The following EIF2D variants were observed in gnomAD, a reference collection of about 807,000 sequenced individuals.
The protein encoded by EIF2D is hepatocellular carcinoma-associated antigen 56.
In EIF2D, 56 loss-of-function variants were observed where a neutral mutation model predicts 77.4. The ratio of observed to expected loss-of-function variants is 0.72; its 90% CI spans 0.58 to 0.90. The LOEUF (loss-of-function observed/expected upper bound fraction) is 0.90. EIF2D is among the 40% of genes least tolerant of loss of function. The probability of loss-of-function intolerance (pLI) is 0.00; values close to 1 mark genes in which losing one functional copy is unlikely to be tolerated. For missense variants in EIF2D, 574 were observed against 706.5 expected (o/e 0.81, Z 2.13); for synonymous variants, 230 against 271.0 (o/e 0.85, Z 1.49).
At position 206,611,285 on chromosome 1, in the gene EIF2D, TTGAGC is replaced by T; in HGVS notation, c.141_145del (p.Leu48HisfsTer20). 6.2e-7 allele frequency: 1 copy of T among 1,614,224 alleles called. No homozygotes were observed. Among genetic ancestry groups the T allele is most frequent in the African/African-American group, 1.3e-5 (1 of 75,064 alleles). ...TTTGTGAGCATACAACTTCACAATG[TTGAGC>T]TCCTCCTTTCCAGGTACTAACTCAG... is the stretch of plus-strand genomic sequence containing the variant. On this transcript the variant is annotated frameshift_variant, in exon 2 of 15. Transcript: ENST00000271764. LOFTEE classifies it high-confidence loss of function.
chr1:206,602,122 T>TA (rs1669954963), intron 7 of EIF2D: 1 of 517,054 alleles, frequency 1.9e-6, no homozygotes, highest in East Asian at 3.2e-5. Flanking sequence ...TTTCATTGGC[T>TA]AAAATTTAAG....
intron 4 of EIF2D, 47 bp downstream of exon 4, chr1:206,608,188 CT>C (rs1377994573): frequency 1.3e-6 from 2 of 1,567,126 alleles, no homozygotes; most frequent in Non-Finnish European, 1.7e-6. Context: ...TCCAACTTCT[CT>C]TTTACACAAG....
chr1:206,584,317 GC>G lies in EIF2D; in HGVS notation c.139-3156del. ...ACAGGTGGGTGCTGCTGGGGCAATG[GC>G]CCCGAGTGGCAGATATGATCATGCA... On this transcript the variant is annotated intron_variant and NMD_transcript_variant, in intron 2 of 5. Coordinates refer to the EIF2D transcript ENST00000472709. The surrounding 1 kb of genome is among the most constrained non-coding windows in gnomAD (Gnocchi z 4.9). 6.8e-7 allele frequency: 1 copy of G among 1,473,402 alleles called. No homozygotes were observed. The highest frequency in any genetic ancestry group is 9.2e-7 in the Non-Finnish European group (1 of 1,088,472). 91.3% of individuals were successfully genotyped at this position (1,473,402 alleles called of 1,614,324 possible).
intron 1 of EIF2D, 134 bp from the exon 2 acceptor site, chr1:206,611,508 T>TCA (rs1670496733): frequency 3.1e-6 from 2 of 644,006 alleles, no homozygotes; most frequent in African/African-American, 3.7e-5. Flanking sequence ...TGTCCTAGTC[T>TCA]CACACACACT....
chr1:206,603,094 T>A lies in EIF2D; in HGVS notation c.641A>T (p.Asp214Val). Residue 214 changes from aspartate (D) to valine (V), a missense_variant, in exon 6 of 15, where the codon GAC becomes GTC. Asp to Val is a radical substitution (Grantham distance 152). Transcript: ENST00000271764. ...SVQMDSTLQG[D>V]MRHMTLEGEE... ...CCCCTCCAGGGTCATGTGCCTCATG[T>A]CTCCCTGCAGGGTGGAGTCCATCTG... 1 of 1,614,122 alleles carries A rather than the reference T, an allele frequency of 6.2e-7. No individual in the cohort carries two copies. The highest frequency in any genetic ancestry group is 1.7e-5 in the Admixed American group (1 of 60,020).
intron 2 of EIF2D, 130 bp from the exon 3 acceptor site, chr1:206,609,589 G>T: frequency 2.9e-6 from 2 of 679,280 alleles, no homozygotes; most frequent in Non-Finnish European, 4.7e-6. Flanking sequence ...TAAAGAGAAG[G>T]TTGTAAGGGG....
At chr1:206,603,268 G>A in intron 5 of EIF2D, 64 bp from the exon 6 acceptor site, 1 of 1,573,314 alleles carries the variant, frequency 6.4e-7, no homozygotes, top group Non-Finnish European at 8.6e-7. Context: ...CCTGGCCACA[G>A]AGGAGTCAGC....
At chr1:206,598,873 C>G in intron 11 of EIF2D, 130 bp downstream of exon 11, 1 of 894,862 alleles carries the variant, frequency 1.1e-6, no homozygotes. Flanking sequence ...GTTTGGAAAC[C>G]ACTGATCTTA....
chr1:206,583,281 C>A (rs1668967138), intron 2 of EIF2D: 1 of 1,610,620 alleles, frequency 6.2e-7, no homozygotes, highest in South Asian at 1.1e-5. Flanking sequence ...TGTCTGTAAA[C>A]CTGTGGAGGA....
chr1:206,593,350 A>G (rs1669444960), intron 14 of EIF2D, among the ~76,000 whole-genome samples: 1 of 152,176 alleles, frequency 6.6e-6, no homozygotes, highest in South Asian at 2.1e-4. Context: ...GAAAGGGACC[A>G]ACCAGGAAGA....
At position 206,612,457 on chromosome 1, in the gene EIF2D, G is replaced by C; in HGVS notation, c.-115C>G. 2 of 1,359,040 alleles carry C rather than the reference G, an allele frequency of 1.5e-6. No individual in the cohort carries two copies. Among genetic ancestry groups the C allele is most frequent in the Non-Finnish European group, 2.1e-6 (2 of 962,280 alleles). 84.2% of individuals were successfully genotyped at this position (1,359,040 alleles called of 1,614,324 possible). A position where few individuals can be genotyped will look rare whatever the true frequency, so the allele number is the denominator to read the frequency against. Reference sequence around the variant, plus strand: ...GGGGCAGCCATGCTGGGGCCCGGCCGCGAAAAGGGCCCGGCTGGAAACCAG... The same window carrying C: ...GGGGCAGCCATGCTGGGGCCCGGCCCCGAAAAGGGCCCGGCTGGAAACCAG... On this transcript the variant is annotated 5_prime_UTR_variant, in exon 1 of 15. Transcript: ENST00000271764.
intron 11 of EIF2D, 105 bp downstream of exon 11, chr1:206,598,898 G>A: frequency 8.9e-7 from 1 of 1,121,480 alleles, no homozygotes; most frequent in East Asian, 2.4e-5. Context: ...CCTCTAAGAT[G>A]CTATGGTTTT....
intron 5 of EIF2D, chr1:206,604,620 G>C (rs1670094975): frequency 6.6e-6 from 1 of 151,096 alleles, no homozygotes; most frequent in South Asian, 2.1e-4. Flanking sequence ...TGTGGTCCCA[G>C]CTACTCAGGA....
Position 206,599,846 on chromosome 1 carries a change from A to G in EIF2D, c.949-10T>C, listed in dbSNP as rs1553410938. The G allele has an allele frequency of 2.5e-6, 4 of 1,613,256 alleles. No individual in the cohort carries two copies. Among genetic ancestry groups the G allele is most frequent in the African/African-American group, 2.7e-5 (2 of 74,886 alleles). On this transcript the variant is annotated splice_polypyrimidine_tract_variant and intron_variant, in intron 8 of 14. Coordinates refer to ENST00000271764, the MANE Select transcript of EIF2D (RefSeq NM_006893.3). This position sits in a 1 kb window ranked among gnomAD's most constrained non-coding sequence, Gnocchi z 4.1. ...GCAGGAACTTAGAGAGCTAAGGGAG[A>G]GAGGGCCAGTGGTAGGGGACTTCAT... is the stretch of plus-strand genomic sequence containing the variant.
Position 206,608,306 on chromosome 1 carries a change from C to T in EIF2D, c.352G>A (p.Val118Met), listed in dbSNP as rs1553413124. The change falls in exon 4 of 15, where the codon GTG becomes ATG. Residue 118 changes from valine (V) to methionine (M), a missense_variant. Val to Met is a conservative substitution (Grantham distance 21, BLOSUM62 1). Transcript: ENST00000271764. ...TGAGGCAGACCAGCAGGGGGCATCA[C>T]CAGTCCAGGCAGCATCAAATCTGCA... The part of the protein sequence containing the change: ...GGADLMLPGL[V>M]MPPAGLPQVQ... 6 of 1,612,906 alleles carry T rather than the reference C, an allele frequency of 3.7e-6. No homozygotes were observed.
At position 206,599,949 on chromosome 1, in the gene EIF2D, C is replaced by T; in HGVS notation, c.949-113G>A. On this transcript the variant is annotated intron_variant, in intron 8 of 14. Coordinates refer to ENST00000271764, the MANE Select transcript of EIF2D (RefSeq NM_006893.3). The surrounding 1 kb of genome is among the most constrained non-coding windows in gnomAD (Gnocchi z 4.1). The stretch of plus-strand genomic sequence containing the variant: ...GGACTGTGCAGGGATATGAGACAGC[C>T]CCTGCCTTCATCAACCAGGAACTGG... 1.9e-6 allele frequency: 2 copies of T among 1,033,002 alleles called. No homozygotes were observed. The highest frequency in any genetic ancestry group is 2.8e-6 in the Non-Finnish European group (2 of 706,986). The allele number at this position is 1,033,002 out of a possible 1,614,324, so 64.0% of individuals were successfully genotyped here. A position where few individuals can be genotyped will look rare whatever the true frequency, so the allele number is the denominator to read the frequency against.
chr1:206,580,680 C>T (rs1668836650), intron 4 of EIF2D: 1 of 152,246 alleles, frequency 6.6e-6, no homozygotes, highest in South Asian at 2.1e-4. Flanking sequence ...GCTCACACTA[C>T]TTGCTACTCA....
chr1:206,607,522 G>A (rs535970405), intron 4 of EIF2D, among the ~76,000 whole-genome samples: 54 of 152,306 alleles, frequency 3.5e-4, no homozygotes, highest in Non-Finnish European at 5.9e-4. Context: ...TCTTTGCGAG[G>A]CCAAGGCAGG....
At chr1:206,610,647 C>T (rs1027569815) in intron 2 of EIF2D, among the ~76,000 whole-genome samples, 25 of 152,074 alleles carry the variant, frequency 1.6e-4, no homozygotes, top group African/African-American at 4.8e-4. Flanking sequence ...GGTGAAATCC[C>T]GTCTCTACTA....
Sources: gnomAD v4.1 joint callset for allele counts (sites outside exome capture counted in the v4.1 genomes callset) on GRCh38, gnomAD v4.1.1 for gene constraint, Gnocchi (gnomAD v3.1) non-coding constraint, MANE v1.5 for transcripts, NCBI Gene and HGNC (gene_info 2026-07-23, HGNC 2026-07-21) for gene names.